The following MARCHF10 variants were observed in gnomAD, a reference collection of about 807,000 sequenced individuals.
MARCHF10 encodes the protein probable E3 ubiquitin-protein ligase MARCHF10.
In MARCHF10, 64 loss-of-function variants were observed where a neutral mutation model predicts 76.2. That is an observed-to-expected ratio of 0.84 (90% CI 0.69 to 1.03). The LOEUF (loss-of-function observed/expected upper bound fraction) is 1.03. MARCHF10 is among the 50% of genes least tolerant of loss of function. The pLI, the probability that MARCHF10 is intolerant of heterozygous loss-of-function variation, is 0.00. For synonymous variants in MARCHF10, 340 were observed against 357.5 expected, an observed-to-expected ratio of 0.95 and a Z score of 0.55; for missense variants, 875 against 958.0, an observed-to-expected ratio of 0.91 and a Z score of 1.14.
chr17:62,764,817 C>G (rs1226970391), intron 3 of MARCHF10, among the ~76,000 whole-genome samples: 3 of 152,214 alleles, frequency 2.0e-5, no homozygotes, highest in Non-Finnish European at 2.9e-5. Context: ...AAAACTCTTA[C>G]AGCAGCAAAA....
At chr17:62,776,416 G>C (rs1352562244) in intron 3 of MARCHF10, among the ~76,000 whole-genome samples, 1 of 152,156 alleles carries the variant, frequency 6.6e-6, no homozygotes, top group East Asian at 1.9e-4. Flanking sequence ...CGTTGAAAAA[G>C]GCAGGACAAC....
intron 8 of MARCHF10, among the ~76,000 whole-genome samples, chr17:62,716,708 C>A (rs1047688108): frequency 6.6e-6 from 1 of 151,142 alleles, no homozygotes; most frequent in Non-Finnish European, 1.5e-5. Context: ...AAAAAAAATT[C>A]TAAGTGGGAA....
At chr17:62,701,854 C>T (rs968006041) in intron 10 of MARCHF10, 96 bp from the exon 11 acceptor site, 94 of 1,530,958 alleles carry the variant, frequency 6.1e-5, no homozygotes, top group Admixed American at 1.0e-4. Flanking sequence ...TCTCCCACCC[C>T]ATCCCTGAGG....
chr17:62,746,767 C>A, intron 4 of MARCHF10: 1 of 836,788 alleles, frequency 1.2e-6, no homozygotes, highest in Non-Finnish European at 1.9e-6. Flanking sequence ...CTTTGATTTC[C>A]AGCAGGAATC....
intron 3 of MARCHF10, among the ~76,000 whole-genome samples, chr17:62,780,689 C>G (rs2092641915): frequency 6.6e-6 from 1 of 152,180 alleles, no homozygotes; most frequent in Non-Finnish European, 1.5e-5. Flanking sequence ...TGACAGTGAT[C>G]TCTACCTTTC....
At chr17:62,782,315 C>G (rs1287150852) in intron 3 of MARCHF10, among the ~76,000 whole-genome samples, 4 of 149,070 alleles carry the variant, frequency 2.7e-5, no homozygotes, top group African/African-American at 1.0e-4. Flanking sequence ...GATGGGCAGC[C>G]TATACTCTGA....
intron 6 of MARCHF10, among the ~76,000 whole-genome samples, chr17:62,725,359 G>A (rs1356528918): frequency 6.6e-6 from 1 of 152,142 alleles, no homozygotes; most frequent in East Asian, 1.9e-4. Context: ...AACCTCCTCA[G>A]GCTCTGGTGA....
At chr17:62,789,366 T>C (rs1475795020) in intron 2 of MARCHF10, among the ~76,000 whole-genome samples, 2 of 152,302 alleles carry the variant, frequency 1.3e-5, no homozygotes, top group Middle Eastern at 6.8e-3. Context: ...TCTCCTCTGT[T>C]AGAAGCTCTC....
chr17:62,775,122 C>A (rs1033242664), intron 3 of MARCHF10, among the ~76,000 whole-genome samples: 1 of 109,610 alleles, frequency 9.1e-6, no homozygotes, highest in Non-Finnish European at 1.7e-5. Context: ...CAGGTCTCCC[C>A]CTGGCCTTCC....
chr17:62,765,989 T>A (rs1163053476), intron 3 of MARCHF10, among the ~76,000 whole-genome samples: 1 of 145,664 alleles, frequency 6.9e-6, no homozygotes, highest in Non-Finnish European at 1.5e-5. Flanking sequence ...AGCCCAGGAG[T>A]TTGAGACCAG....
chr17:62,783,195 T>G (rs1007840087), intron 3 of MARCHF10, among the ~76,000 whole-genome samples: 10 of 28,058 alleles, frequency 3.6e-4, no homozygotes, highest in Non-Finnish European at 4.7e-4. Context: ...AAATTGCCAG[T>G]TTTTTTTTTT....
At chr17:62,792,168 G>A (rs1394237822) in intron 2 of MARCHF10, among the ~76,000 whole-genome samples, 7 of 151,998 alleles carry the variant, frequency 4.6e-5, no homozygotes, top group Non-Finnish European at 7.4e-5. Context: ...AGCATACGTA[G>A]TCGGGCTGCC....
At chr17:62,713,430 T>C (rs1238077670) in intron 8 of MARCHF10, among the ~76,000 whole-genome samples, 2 of 152,212 alleles carry the variant, frequency 1.3e-5, no homozygotes, top group Non-Finnish European at 2.9e-5. Flanking sequence ...CTGCAGATAA[T>C]TTGAAAAGTC....
intron 3 of MARCHF10, among the ~76,000 whole-genome samples, chr17:62,780,550 C>T (rs996830743): frequency 6.6e-6 from 1 of 152,168 alleles, no homozygotes; most frequent in Non-Finnish European, 1.5e-5. Context: ...GGTTCACTGC[C>T]TACGCCTCCT....
intron 4 of MARCHF10, among the ~76,000 whole-genome samples, chr17:62,749,554 C>T (rs1280442226): frequency 6.6e-6 from 1 of 152,198 alleles, no homozygotes; most frequent in Non-Finnish European, 1.5e-5. Context: ...TGTGCAGTCA[C>T]AAATAATAGG....
intron 9 of MARCHF10, among the ~76,000 whole-genome samples, chr17:62,708,665 T>TG (rs2089739668): frequency 6.6e-6 from 1 of 152,226 alleles, no homozygotes; most frequent in Non-Finnish European, 1.5e-5. Flanking sequence ...AAGGTTCCCG[T>TG]GCCCAAGTTG....
intron 2 of MARCHF10, among the ~76,000 whole-genome samples, chr17:62,799,665 G>C (rs1186532975): frequency 2.0e-5 from 3 of 151,472 alleles, no homozygotes; most frequent in African/African-American, 7.3e-5. Flanking sequence ...AGAATCGCTT[G>C]AACCCAGGAG....
chr17:62,761,959 A>G (rs1056045223), intron 3 of MARCHF10, among the ~76,000 whole-genome samples: 2 of 152,152 alleles, frequency 1.3e-5, no homozygotes, highest in African/African-American at 4.8e-5. Context: ...GGGCCCTGCA[A>G]GTGAGCCCTT....
chr17:62,743,279 C>T (rs147517846), intron 5 of MARCHF10, among the ~76,000 whole-genome samples: 158 of 152,288 alleles, frequency 1.0e-3, no homozygotes, highest in African/African-American at 3.8e-3. Flanking sequence ...CTCATATATG[C>T]AGATTCCAAG....
Sources: gnomAD v4.1 joint callset for allele counts (sites outside exome capture counted in the v4.1 genomes callset) on GRCh38, gnomAD v4.1.1 for gene constraint, MANE v1.5 for transcripts, NCBI Gene and HGNC (gene_info 2026-07-23, HGNC 2026-07-21) for gene names.